DCAF15: variants seen among roughly 807,000 people sequenced by gnomAD.
The protein encoded by DCAF15 is DDB1 and CUL4 associated factor 15, also known as DDB1- and CUL4-associated factor 15.
DCAF15 carries 24 observed loss-of-function variants against 68.0 expected under a neutral mutation model. That is an observed-to-expected ratio of 0.35 (90% CI 0.26 to 0.50). The LOEUF (loss-of-function observed/expected upper bound fraction) is 0.50. DCAF15 is among the 20% of genes least tolerant of loss of function. The pLI, the probability that DCAF15 is intolerant of heterozygous loss-of-function variation, is 0.98. For missense variants in DCAF15, 627 were observed against 830.6 expected (o/e 0.75, Z 3.01); for synonymous variants, 376 against 341.6 (o/e 1.10, Z -1.11).
intron 8 of DCAF15, 38 bp from the exon 9 acceptor site, chr19:13,959,729 G>A (rs762430566): frequency 6.2e-7 from 1 of 1,612,840 alleles, no homozygotes; most frequent in Non-Finnish European, 8.5e-7. Context: ...CCGGGGGGCA[G>A]TTGGCACCGT....
chr19:13,958,695 A>G (rs1973463771), intron 6 of DCAF15, among the ~76,000 whole-genome samples: 1 of 152,152 alleles, frequency 6.6e-6, no homozygotes, highest in Admixed American at 6.5e-5. Flanking sequence ...GTCCCTCGAC[A>G]GAGTGGCAGA....
At chr19:13,952,816 G>T (rs1973127855) in intron 1 of DCAF15, among the ~76,000 whole-genome samples, 172 bp downstream of exon 1, 1 of 135,898 alleles carries the variant, frequency 7.4e-6, no homozygotes, top group Admixed American at 7.3e-5. Context: ...GATGGAGGGG[G>T]CTCAGTTGGG....
chr19:13,954,840 T>C (rs902829324), intron 3 of DCAF15, among the ~76,000 whole-genome samples, 179 bp downstream of exon 3: 7 of 152,164 alleles, frequency 4.6e-5, no homozygotes, highest in African/African-American at 1.4e-4. Context: ...GCATGGTAGC[T>C]CACACCTGTA....
chr19:13,960,862 A>T, intron 12 of DCAF15, 78 bp from the exon 13 acceptor site: 1 of 1,591,838 alleles, frequency 6.3e-7, no homozygotes, highest in Admixed American at 1.7e-5. Flanking sequence ...TCTGGGCCAG[A>T]AGCAAGTCAG....
In DCAF15 at chr19:13,960,327, C is replaced by T; in HGVS notation, c.1567C>T (p.Leu523Phe). ...YHTSLKVAWD[L>F]NTGIFETVSV... is the part of the protein sequence containing the mutation. ...CACCAGCCTCAAGGTGGCATGGGAC[C>T]TCAACACAGGGATCTTCGAGACAGT... Residue 523 changes from leucine (L) to phenylalanine (F), a missense_variant, in exon 11 of 13, where the codon CTC (leucine) becomes TTC (phenylalanine). Physicochemically the swap from Leu to Phe is conservative, Grantham distance 22. This residue lies in a region of DCAF15 where 118 missense variants were observed against 211.8 expected (regional missense o/e 0.56). Coordinates refer to ENST00000254337, the MANE Select transcript of DCAF15 (RefSeq NM_138353.4). 6.2e-7 allele frequency: 1 copy of T among 1,614,100 alleles called. No homozygotes were observed. The highest frequency in any genetic ancestry group is 1.3e-5 in the African/African-American group (1 of 75,058).
In DCAF15 at chr19:13,954,678, A is replaced by G; in HGVS notation, c.366+17A>G. The stretch of plus-strand genomic sequence containing the variant: ...CTCAAGCTGGTAGGGAGGCTTCAAC[A>G]CCAGGCTGGCCCTTCAGATGGTGTG... On this transcript the variant is annotated intron_variant, in intron 3 of 12. Coordinates refer to ENST00000254337, the MANE Select transcript of DCAF15 (RefSeq NM_138353.4). 1 of 1,613,656 alleles carries G rather than the reference A, an allele frequency of 6.2e-7. No homozygotes were observed. Among genetic ancestry groups the G allele is most frequent in the Non-Finnish European group, 8.5e-7 (1 of 1,179,690 alleles).
chr19:13,958,986 C>A lies in DCAF15; in HGVS notation c.785-59C>A, dbSNP rs898072925. The A allele has an allele frequency of 2.0e-6, 3 of 1,524,472 alleles. No homozygotes were observed. In the African/African-American group the frequency reaches 4.2e-5, roughly 21 times the overall value. The allele number at this position is 1,524,472 out of a possible 1,614,324, so 94.4% of individuals were successfully genotyped here. On this transcript the variant is annotated intron_variant, in intron 6 of 12. Coordinates refer to ENST00000254337, the MANE Select transcript of DCAF15 (RefSeq NM_138353.4). ...GTGGGTTTCTGAAAACCCCTGGGGACACTGAGCGAGGCTGGGAGCACCCCA... is the reference window on the plus strand; with the variant it reads ...GTGGGTTTCTGAAAACCCCTGGGGAAACTGAGCGAGGCTGGGAGCACCCCA...
chr19:13,960,923 T>A lies in DCAF15; in HGVS notation c.1748-17T>A, dbSNP rs1320573887. ...GCAGGCAGGGGCTCTATGCTTTGTCTCCACCTGTCCCTGTAGGGTGCTCCC... is the reference window on the plus strand; with the variant it reads ...GCAGGCAGGGGCTCTATGCTTTGTCACCACCTGTCCCTGTAGGGTGCTCCC... On this transcript the variant is annotated splice_polypyrimidine_tract_variant and intron_variant, in intron 12 of 12. Transcript: ENST00000254337. 6.2e-7 allele frequency: 1 copy of A among 1,613,958 alleles called. No individual in the cohort carries two copies. The highest frequency in any genetic ancestry group is 8.5e-7 in the Non-Finnish European group (1 of 1,180,014).
chr19:13,959,109 CCCT>C lies in DCAF15; in HGVS notation c.850_852del (p.Pro284del), dbSNP rs1403220759. The C allele has an allele frequency of 6.2e-7, 1 of 1,612,518 alleles. No individual in the cohort carries two copies. The highest frequency in any genetic ancestry group is 1.1e-5 in the South Asian group (1 of 91,052). On this transcript the variant is annotated inframe_deletion, in exon 7 of 13. Coordinates refer to ENST00000254337, the MANE Select transcript of DCAF15 (RefSeq NM_138353.4). ...CCTGCCCCCTGGCGCCTGCCAGCCC[CCCT>C]GAGCCCCAGAGCCCAGAGCTGCCCC...
rs1973350767 is a variant in DCAF15, at chr19:13,956,136, A to G, written c.487A>G (p.Asn163Asp). Residue 163 changes from asparagine (N) to aspartate (D), a missense_variant, in exon 5 of 13, where the codon AAC becomes GAC. Asn to Asp is a conservative substitution (Grantham distance 23, BLOSUM62 1). Coordinates refer to ENST00000254337, the MANE Select transcript of DCAF15 (RefSeq NM_138353.4). ...GCTGGCCCCCAGCACCCGCTCGGCCAACGGGATGCTCATGAACATGATGAT... is the reference window on the plus strand; with the variant it reads ...GCTGGCCCCCAGCACCCGCTCGGCCGACGGGATGCTCATGAACATGATGAT... The part of the protein sequence containing the change: ...IVFGFNTRSA[N>D]GMLMNMMMMS... The G allele has an allele frequency of 6.2e-7, 1 of 1,609,398 alleles. No homozygotes were observed. Among genetic ancestry groups the G allele is most frequent in the Non-Finnish European group, 8.5e-7 (1 of 1,178,522 alleles).
chr19:13,961,062 G>A lies in DCAF15; in HGVS notation c.*67G>A, dbSNP rs2145510100. 1.9e-6 allele frequency: 3 copies of A among 1,599,098 alleles called. No homozygotes were observed. The highest frequency in any genetic ancestry group is 4.5e-5 in the East Asian group (2 of 44,712). ...GCCTGGGACCGGCCCCCTTCCTGGGGTGGCCTCTTCCTGGCCGGCTGGCCC... is the reference window on the plus strand; with the variant it reads ...GCCTGGGACCGGCCCCCTTCCTGGGATGGCCTCTTCCTGGCCGGCTGGCCC... On this transcript the variant is annotated 3_prime_UTR_variant, in exon 13 of 13. Coordinates refer to ENST00000254337, the MANE Select transcript of DCAF15 (RefSeq NM_138353.4).
At position 13,960,287 on chromosome 19, in the gene DCAF15, A is replaced by G; in HGVS notation, c.1527A>G (p.Arg509=). The part of the protein sequence containing the change: ...FPSPTEEGQL[R]PKTYHTSLKV... Reference sequence around the variant, plus strand: ...TGTCCTATGTCCCTCTCCACTGTAGACCAAAGACCTATCACACCAGCCTCA... The same window carrying G: ...TGTCCTATGTCCCTCTCCACTGTAGGCCAAAGACCTATCACACCAGCCTCA... The change falls in exon 11 of 13, where the codon CGA becomes CGG. Residue 509 remains arginine (R), a splice_region_variant and synonymous_variant. Coordinates refer to ENST00000254337, the MANE Select transcript of DCAF15 (RefSeq NM_138353.4). 1 of 1,613,780 alleles carries G rather than the reference A, an allele frequency of 6.2e-7. No individual in the cohort carries two copies. Among genetic ancestry groups the G allele is most frequent in the Non-Finnish European group, 8.5e-7 (1 of 1,179,880 alleles).
At chr19:13,960,423 GC>G (rs1220463906) in intron 11 of DCAF15, 32 bp downstream of exon 11, 1 of 1,612,566 alleles carries the variant, frequency 6.2e-7, no homozygotes, top group Non-Finnish European at 8.5e-7. Flanking sequence ...GGGTCAGGGC[GC>G]GGCCAAGGCG....
Position 13,959,066 on chromosome 19 carries a change from T to C in DCAF15, c.806T>C (p.Ile269Thr). Reference sequence around the variant, plus strand: ...TTAGGTGACAGGAGTTTCTGCCAAATCCTGTATGACCACAGCACCTGCCCC... The same window carrying C: ...TTAGGTGACAGGAGTTTCTGCCAAACCCTGTATGACCACAGCACCTGCCCC... ...HSAGDRSFCQ[I>T]LYDHSTCPLA... The change falls in exon 7 of 13, where the codon ATC becomes ACC. Residue 269 changes from isoleucine (I) to threonine (T), a missense_variant. By Grantham distance (89) the Ile-to-Thr change is moderately conservative. Around this residue, in one of 3 missense-constraint regions of DCAF15, gnomAD observed 273 missense variants for 393.7 expected, o/e 0.69. Transcript: ENST00000254337. 1 of 1,607,590 alleles carries C rather than the reference T, an allele frequency of 6.2e-7. No homozygotes were observed. Among genetic ancestry groups the C allele is most frequent in the Non-Finnish European group, 8.5e-7 (1 of 1,176,856 alleles).
rs1296557919 is a variant in DCAF15, at chr19:13,959,796, A to G, written c.1341A>G (p.Thr447=). ...AGTACCTGACAGTGGAGCAGCTCACACTAGACTTCGAATATGTTATCAATG... is the reference window on the plus strand; with the variant it reads ...AGTACCTGACAGTGGAGCAGCTCACGCTAGACTTCGAATATGTTATCAATG... ...QGQYLTVEQL[T]LDFEYVINEV... is the part of the protein sequence containing the mutation. Residue 447 remains threonine, a synonymous_variant, in exon 9 of 13, where the codon ACA becomes ACG. Transcript: ENST00000254337. 1.7e-5 allele frequency: 28 copies of G among 1,611,636 alleles called. No homozygotes were observed. The highest frequency in any genetic ancestry group is 2.2e-5 in the East Asian group (1 of 44,828).
In DCAF15 at chr19:13,959,182, T is replaced by G. The variant is rs759382967; in HGVS notation, c.922T>G (p.Ser308Ala). 3 of 1,612,638 alleles carry G rather than the reference T, an allele frequency of 1.9e-6. No homozygotes were observed. In the East Asian group the frequency reaches 6.7e-5, roughly 36 times the overall value. ...FCPEAAPARS[S>A]GSPEPSPAIA... is the part of the protein sequence containing the mutation. ...CCCTGAGGCGGCCCCAGCCCGTTCT[T>G]CTGGGTCTCCTGAGCCCTCGCCCGC... The change falls in exon 7 of 13, where the codon TCT becomes GCT. Residue 308 changes from serine to alanine, a missense_variant. Around this residue, in one of 3 missense-constraint regions of DCAF15, gnomAD observed 236 missense variants for 225.1 expected, o/e 1.05. Transcript: ENST00000254337.
At chr19:13,954,297 G>C (rs778039755) in intron 1 of DCAF15, 43 bp from the exon 2 acceptor site, 2 of 1,555,002 alleles carry the variant, frequency 1.3e-6, no homozygotes, top group Admixed American at 1.7e-5. Flanking sequence ...GGGGCTGGGG[G>C]CTGCAGATGG....
intron 4 of DCAF15, 34 bp from the exon 5 acceptor site, chr19:13,956,089 C>T: frequency 6.2e-7 from 1 of 1,610,354 alleles, no homozygotes; most frequent in Middle Eastern, 1.7e-4. Flanking sequence ...CCCCCAGGCG[C>T]CGACCAGGCA....
chr19:13,958,994 G>C lies in DCAF15; in HGVS notation c.785-51G>C, dbSNP rs574341643. 8 of 1,527,904 alleles carry C rather than the reference G, an allele frequency of 5.2e-6. No homozygotes were observed. The Admixed American group carries it at 1.7e-4, about 33-fold the overall frequency. 94.6% of individuals were successfully genotyped at this position (1,527,904 alleles called of 1,614,324 possible). The stretch of plus-strand genomic sequence containing the variant: ...CTGAAAACCCCTGGGGACACTGAGC[G>C]AGGCTGGGAGCACCCCAGACTGACA... On this transcript the variant is annotated intron_variant, in intron 6 of 12. Transcript: ENST00000254337.
Sources: gnomAD v4.1 joint callset for allele counts (sites outside exome capture counted in the v4.1 genomes callset) on GRCh38, gnomAD v4.1.1 for gene constraint, gnomAD v4.1.1 regional missense constraint, MANE v1.5 for transcripts, NCBI Gene and HGNC (gene_info 2026-07-23, HGNC 2026-07-21) for gene names.